Variants in KCNMB2 observed in about 807,000 individuals in gnomAD.
The protein encoded by KCNMB2 is calcium-activated potassium channel subunit beta-2.
KCNMB2 carries 9 observed loss-of-function variants against 24.5 expected under a neutral mutation model. The observed-to-expected ratio is 0.37, with a 90% confidence interval of 0.22 to 0.64. KCNMB2 has a LOEUF of 0.64. KCNMB2 is among the 30% of genes least tolerant of loss of function. The pLI, the probability that KCNMB2 is intolerant of heterozygous loss-of-function variation, is 0.63. For missense variants in KCNMB2, 226 were observed against 284.3 expected (o/e 0.79, Z 1.47); for synonymous variants, 109 against 104.4 (o/e 1.04, Z -0.27).
chr3:178,766,486 G>C (rs1035667968), intron 1 of KCNMB2, among the ~76,000 whole-genome samples: 1 of 152,142 alleles, frequency 6.6e-6, no homozygotes, highest in Admixed American at 6.5e-5. Flanking sequence ...AAGCCACCAT[G>C]CTCAGCCCAC....
intron 1 of KCNMB2, among the ~76,000 whole-genome samples, chr3:178,580,324 C>G (rs953528823): frequency 2.0e-5 from 3 of 152,208 alleles, no homozygotes; most frequent in Middle Eastern, 3.4e-3. Flanking sequence ...ATTCAACAGC[C>G]CTTCATGCTA....
chr3:178,574,248 C>T (rs974182607), intron 1 of KCNMB2, among the ~76,000 whole-genome samples: 3 of 152,140 alleles, frequency 2.0e-5, no homozygotes, highest in Non-Finnish European at 4.4e-5. Context: ...ATGAGGGAAG[C>T]AGAAGCTTGT....
In KCNMB2 at chr3:178,786,451, T is replaced by C. The variant is rs149450039; in HGVS notation, c.-67-20892T>C. Among the ~76,000 whole-genome samples the C allele has an allele frequency of 1.5e-3, 235 of 152,224 alleles. 4 individuals carry two copies. In the East Asian group the frequency reaches 0.038, roughly 25 times the overall value. The stretch of plus-strand genomic sequence containing the variant: ...GGAATAGGGTGAGGAAGAAATAAGG[T>C]ACAAAAACGTGGTTGGATCCTAACA... On this transcript the variant is annotated intron_variant, in intron 1 of 4. Coordinates refer to ENST00000452583, the MANE Select transcript of KCNMB2 (RefSeq NM_181361.3).
chr3:178,628,047 A>G (rs998638204), intron 1 of KCNMB2, among the ~76,000 whole-genome samples: 1 of 152,188 alleles, frequency 6.6e-6, no homozygotes, highest in African/African-American at 2.4e-5. Context: ...CTTCACTCTA[A>G]ATTAATTGTA....
In KCNMB2 at chr3:178,829,455, C is replaced by T. The variant is rs190942709; in HGVS notation, c.423+1082C>T. On this transcript the variant is annotated intron_variant, in intron 4 of 4. Coordinates refer to ENST00000452583, the MANE Select transcript of KCNMB2 (RefSeq NM_181361.3). ...TTACAATAACTTAAAGGAATTCTTG[C>T]AAATATCTCTGAGGACTCAACATAA... is the stretch of plus-strand genomic sequence containing the variant. Among the ~76,000 whole-genome samples the T allele has an allele frequency of 1.8e-3, 273 of 152,268 alleles. 2 individuals carry two copies. Among genetic ancestry groups the T allele is most frequent in the Middle Eastern group, 0.017 (5 of 294 alleles).
At chr3:178,694,013 C>T (rs991641892) in intron 1 of KCNMB2, among the ~76,000 whole-genome samples, 18 of 151,532 alleles carry the variant, frequency 1.2e-4, no homozygotes, top group African/African-American at 4.1e-4. Context: ...TTAGTCTCTT[C>T]TCATGTTGCC....
At chr3:178,652,314 G>A (rs1720152371) in intron 1 of KCNMB2, among the ~76,000 whole-genome samples, 1 of 152,132 alleles carries the variant, frequency 6.6e-6, no homozygotes, top group African/African-American at 2.4e-5. Flanking sequence ...ACTGGGACCT[G>A]TCGAGGTTGG....
At chr3:178,682,640 T>A (rs1235380604) in intron 1 of KCNMB2, among the ~76,000 whole-genome samples, 1 of 151,994 alleles carries the variant, frequency 6.6e-6, no homozygotes, top group African/African-American at 2.4e-5. Context: ...TAAAATATTA[T>A]AATTTTCTAT....
chr3:178,758,518 G>A (rs1321481806), intron 1 of KCNMB2, among the ~76,000 whole-genome samples: 2 of 28,568 alleles, frequency 7.0e-5, no homozygotes, highest in Admixed American at 5.0e-4. Flanking sequence ...ATATCTCCAA[G>A]AGGAGATGTA....
At chr3:178,659,518 A>T (rs1720453662) in intron 1 of KCNMB2, among the ~76,000 whole-genome samples, 1 of 152,230 alleles carries the variant, frequency 6.6e-6, no homozygotes, top group South Asian at 2.1e-4. Flanking sequence ...ATTTTCTGGT[A>T]CAATTACCTC....
intron 1 of KCNMB2, among the ~76,000 whole-genome samples, chr3:178,657,446 C>A (rs1158267565): frequency 3.3e-5 from 5 of 152,170 alleles, no homozygotes; most frequent in Non-Finnish European, 5.9e-5. Flanking sequence ...TCAAGCTATG[C>A]CATCTCTCTA....
Position 178,825,585 on chromosome 3 carries a change from C to T in KCNMB2, c.57-3C>T, listed in dbSNP as rs1175020661. ...TGTAAGACCATATTGTTTTTAACCT[C>T]AGAAATATTTACCAGAAAATCAGGG... On this transcript the variant is annotated splice_polypyrimidine_tract_variant and splice_region_variant and intron_variant, in intron 2 of 4. Coordinates refer to ENST00000452583, the MANE Select transcript of KCNMB2 (RefSeq NM_181361.3). 6.2e-7 allele frequency: 1 copy of T among 1,610,794 alleles called. No homozygotes were observed. Among genetic ancestry groups the T allele is most frequent in the Non-Finnish European group, 8.5e-7 (1 of 1,177,578 alleles).
At chr3:178,545,873 C>A (rs978400943) in intron 1 of KCNMB2, among the ~76,000 whole-genome samples, 1 of 152,132 alleles carries the variant, frequency 6.6e-6, no homozygotes, top group Non-Finnish European at 1.5e-5. Flanking sequence ...ACATTTTCAT[C>A]GCATTTTGAC....
intron 1 of KCNMB2, among the ~76,000 whole-genome samples, chr3:178,609,316 C>A (rs560029072): frequency 6.6e-6 from 1 of 152,094 alleles, no homozygotes; most frequent in African/African-American, 2.4e-5. Context: ...AAATCTTGTG[C>A]CCATTTTTTG....
intron 1 of KCNMB2, among the ~76,000 whole-genome samples, chr3:178,694,393 A>G (rs554481311): frequency 6.6e-6 from 1 of 152,328 alleles, no homozygotes; most frequent in East Asian, 1.9e-4. Flanking sequence ...TCCTGTCCTT[A>G]TAATTCAAAA....
intron 1 of KCNMB2, among the ~76,000 whole-genome samples, chr3:178,655,397 G>C (rs566968409): frequency 6.6e-6 from 1 of 152,162 alleles, no homozygotes; most frequent in African/African-American, 2.4e-5. Context: ...TGATCTCTGG[G>C]TTCTACCTAT....
intron 1 of KCNMB2, among the ~76,000 whole-genome samples, chr3:178,540,485 G>A (rs1157440744): frequency 2.0e-5 from 3 of 152,176 alleles, no homozygotes; most frequent in Non-Finnish European, 4.4e-5. Context: ...CAGAAGCCAA[G>A]GCCTTACAGT....
At chr3:178,811,732 G>C (rs1714201290) in intron 2 of KCNMB2, among the ~76,000 whole-genome samples, 1 of 152,048 alleles carries the variant, frequency 6.6e-6, no homozygotes, top group East Asian at 1.9e-4. Flanking sequence ...ACCTAACATG[G>C]GAATGGTTGG....
At chr3:178,669,270 T>G (rs556209075) in intron 1 of KCNMB2, among the ~76,000 whole-genome samples, 1 of 152,158 alleles carries the variant, frequency 6.6e-6, no homozygotes, top group African/African-American at 2.4e-5. Context: ...GACCTTTTAC[T>G]GCATTCCTAA....
Sources: allele counts gnomAD v4.1 joint callset (sites outside exome capture counted in the v4.1 genomes callset), GRCh38; gene constraint gnomAD v4.1.1; transcripts MANE v1.5; gene names NCBI Gene and HGNC (gene_info 2026-07-23, HGNC 2026-07-21).